Variants in TTBK2 observed in about 807,000 individuals in gnomAD.
The protein encoded by TTBK2 is tau-tubulin kinase 2.
TTBK2 carries 28 observed loss-of-function variants against 110.8 expected under a neutral mutation model. The ratio of observed to expected loss-of-function variants is 0.25; its 90% CI spans 0.19 to 0.35. The LOEUF (loss-of-function observed/expected upper bound fraction) is 0.35. TTBK2 is among the 10% of genes least tolerant of loss of function. The pLI is 1.00. For synonymous variants in TTBK2, 532 were observed against 527.3 expected (o/e 1.01, Z -0.12); for missense variants, 1,369 against 1,500.3 (o/e 0.91, Z 1.45).
intron 1 of TTBK2, among the ~76,000 whole-genome samples, chr15:42,916,413 C>T (rs76599586): frequency 0.021 from 3,240 of 152,260 alleles, 112 homozygotes; most frequent in African/African-American, 0.072. Flanking sequence ...CTGCAACCAC[C>T]GCCTCCGGGT....
intron 1 of TTBK2, among the ~76,000 whole-genome samples, chr15:42,889,399 C>T (rs1285889336): frequency 1.3e-5 from 2 of 152,140 alleles, no homozygotes; most frequent in Non-Finnish European, 2.9e-5. Context: ...TTGGCCTTCC[C>T]ACCTCTATAC....
chr15:42,800,961 C>A, intron 9 of TTBK2: 1 of 745,424 alleles, frequency 1.3e-6, no homozygotes, highest in Non-Finnish European at 2.5e-6. Flanking sequence ...CTGGGAGGGG[C>A]TTCACTTGGG....
At chr15:42,907,474 G>A (rs1001106291) in intron 1 of TTBK2, among the ~76,000 whole-genome samples, 2 of 152,134 alleles carry the variant, frequency 1.3e-5, no homozygotes, top group Non-Finnish European at 1.5e-5. Flanking sequence ...TATACACTGT[G>A]TATACACATT....
intron 1 of TTBK2, among the ~76,000 whole-genome samples, chr15:42,918,246 T>C (rs1470857651): frequency 6.6e-6 from 1 of 152,102 alleles, no homozygotes; most frequent in African/African-American, 2.4e-5. Context: ...TGTTTGTTTT[T>C]TGTAGAGACA....
At chr15:42,802,661 G>A (rs1031012124) in intron 9 of TTBK2, among the ~76,000 whole-genome samples, 2 of 152,208 alleles carry the variant, frequency 1.3e-5, no homozygotes, top group Non-Finnish European at 2.9e-5. Flanking sequence ...ACATAGCAAC[G>A]GGGATACATT....
At chr15:42,907,507 T>C (rs569551021) in intron 1 of TTBK2, among the ~76,000 whole-genome samples, 1 of 152,330 alleles carries the variant, frequency 6.6e-6, no homozygotes, top group South Asian at 2.1e-4. Flanking sequence ...ATGCTGTTAT[T>C]TGCAGTAACA....
intron 13 of TTBK2, among the ~76,000 whole-genome samples, chr15:42,763,113 T>C (rs1214152751): frequency 8.8e-6 from 1 of 113,736 alleles, no homozygotes; most frequent in Non-Finnish European, 1.7e-5. Context: ...CGTATATATA[T>C]ATATACACAT....
chr15:42,906,630 T>C (rs1471245795), intron 1 of TTBK2, among the ~76,000 whole-genome samples: 2 of 152,160 alleles, frequency 1.3e-5, no homozygotes, highest in Admixed American at 6.5e-5. Flanking sequence ...CAAAGATTTC[T>C]TGTGTAAAAT....
chr15:42,919,837 T>C (rs2031272955), intron 1 of TTBK2: 2 of 985,262 alleles, frequency 2.0e-6, no homozygotes, highest in African/African-American at 1.7e-5. Context: ...GATTATTTAC[T>C]TCTCCGATTT....
chr15:42,852,518 T>C (rs1249424850), intron 3 of TTBK2, among the ~76,000 whole-genome samples: 5 of 152,366 alleles, frequency 3.3e-5, no homozygotes, highest in African/African-American at 1.2e-4. Context: ...GAGTTATATG[T>C]GATTCCAAAT....
At chr15:42,788,442 T>C (rs1474716419) in intron 10 of TTBK2, among the ~76,000 whole-genome samples, 1 of 152,144 alleles carries the variant, frequency 6.6e-6, no homozygotes, top group Non-Finnish European at 1.5e-5. Context: ...GTCTTCTATC[T>C]TCCTATTCTC....
chr15:42,902,725 G>A (rs984069221), intron 1 of TTBK2, among the ~76,000 whole-genome samples: 3 of 152,128 alleles, frequency 2.0e-5, no homozygotes, highest in African/African-American at 4.8e-5. Context: ...AGGCGCAGTG[G>A]CTCAAGCCTG....
At chr15:42,758,785 G>C (rs995921231) in intron 13 of TTBK2, among the ~76,000 whole-genome samples, 2 of 151,976 alleles carry the variant, frequency 1.3e-5, no homozygotes, top group African/African-American at 2.4e-5. Flanking sequence ...AAGGTAAGCA[G>C]AACAGCCTCA....
intron 9 of TTBK2, among the ~76,000 whole-genome samples, chr15:42,797,575 C>T (rs1433271830): frequency 1.3e-5 from 2 of 152,160 alleles, no homozygotes; most frequent in African/African-American, 2.4e-5. Context: ...TTTTCTAATT[C>T]GGGAGCAGGG....
intron 13 of TTBK2, among the ~76,000 whole-genome samples, chr15:42,772,252 A>C (rs2140738309): frequency 6.6e-6 from 1 of 151,806 alleles, no homozygotes; most frequent in South Asian, 2.1e-4. Flanking sequence ...TGTCTCTCTC[A>C]CCTCACTCAC....
chr15:42,860,631 G>A (rs1894116638), intron 3 of TTBK2, among the ~76,000 whole-genome samples: 1 of 142,100 alleles, frequency 7.0e-6, no homozygotes, highest in African/African-American at 2.7e-5. Flanking sequence ...CTTAGCTGGG[G>A]TATTCTTTCT....
At chr15:42,749,333 T>G (rs139008398) in intron 14 of TTBK2, among the ~76,000 whole-genome samples, 64 of 152,350 alleles carry the variant, frequency 4.2e-4, no homozygotes, top group African/African-American at 1.5e-3. Flanking sequence ...ATCTGTCTGA[T>G]GTAATTATCT....
chr15:42,890,940 C>G (rs1895432070), intron 1 of TTBK2, among the ~76,000 whole-genome samples: 1 of 152,174 alleles, frequency 6.6e-6, no homozygotes, highest in Non-Finnish European at 1.5e-5. Flanking sequence ...GCAATCTTGG[C>G]TCACTGCAAC....
intron 4 of TTBK2, among the ~76,000 whole-genome samples, chr15:42,837,889 C>A (rs898620287): frequency 6.6e-6 from 1 of 152,000 alleles, no homozygotes. Flanking sequence ...TCTAGAATCA[C>A]TGTTATTTAG....
Sources: allele counts gnomAD v4.1 joint callset (sites outside exome capture counted in the v4.1 genomes callset), GRCh38; gene constraint gnomAD v4.1.1; transcripts MANE v1.5; gene names NCBI Gene and HGNC (gene_info 2026-07-23, HGNC 2026-07-21).